Variants in LMBRD2 observed in about 807,000 individuals in gnomAD.
LMBRD2 encodes the protein G protein-coupled receptor-associated protein LMBRD2.
LMBRD2 carries 55 observed loss-of-function variants against 94.4 expected under a neutral mutation model. That is an observed-to-expected ratio of 0.58 (90% CI 0.47 to 0.73). The LOEUF is 0.73. Ranked by LOEUF, LMBRD2 falls within the 30% of genes least tolerant of loss-of-function variation. LMBRD2 has a pLI of 0.00. For missense variants in LMBRD2, 640 were observed against 831.9 expected (o/e 0.77, Z 2.84); for synonymous variants, 246 against 272.4 (o/e 0.90, Z 0.95).
chr5:36,112,846 C>T (rs914958666), intron 13 of LMBRD2, among the ~76,000 whole-genome samples: 3 of 151,962 alleles, frequency 2.0e-5, no homozygotes, highest in African/African-American at 4.8e-5. Context: ...CTTAATGTTC[C>T]ACTTTATTAA....
At position 36,139,023 on chromosome 5, in the gene LMBRD2, C is replaced by T. The variant is rs544640144; in HGVS notation, c.369-1582G>A. Among the ~76,000 whole-genome samples, 177 of 152,230 alleles carry T rather than the reference C, an allele frequency of 1.2e-3. 1 individual carries two copies. The highest frequency in any genetic ancestry group is 6.8e-4 in the Non-Finnish European group (46 of 68,006). On this transcript the variant is annotated intron_variant, in intron 4 of 17. Transcript: ENST00000296603. The stretch of plus-strand genomic sequence containing the variant: ...GCAGGAGCTGGGAAGAGGTGGGAGC[C>T]CCACCCCCTTCCGAGTTGGCGGGGC...
intron 14 of LMBRD2, 28 bp from the exon 15 acceptor site, chr5:36,110,019 T>C (rs779918343): frequency 6.4e-7 from 1 of 1,557,058 alleles, no homozygotes. Flanking sequence ...ATCTCAAATA[T>C]GGCATAACAT....
At chr5:36,147,884 G>A (rs2111919877) in intron 1 of LMBRD2, 1 of 435,654 alleles carries the variant, frequency 2.3e-6, no homozygotes, top group East Asian at 9.7e-5. Context: ...TTCTGAAACT[G>A]AATGAAAAAT....
rs778407107 is a variant in LMBRD2, at chr5:36,122,430, G to C, written c.970C>G (p.Gln324Glu). 6.8e-6 allele frequency: 11 copies of C among 1,613,440 alleles called. No individual in the cohort carries two copies. The highest frequency in any genetic ancestry group is 9.3e-6 in the Non-Finnish European group (11 of 1,179,766). The change falls in exon 9 of 18, where the codon CAA becomes GAA. Residue 324 changes from glutamine (Q) to glutamate (E), a missense_variant. By Grantham distance (29) the Gln-to-Glu change is conservative. Coordinates refer to ENST00000296603, the MANE Select transcript of LMBRD2 (RefSeq NM_001007527.2). ...TCCAAAAGAATCTGCCATTGTACTT[G>C]AGTTCGACGGTGTCTCTGAACTGAA... ...IYSVQRHRRT[Q>E]VQWQILLEQA...
intron 12 of LMBRD2, 129 bp downstream of exon 12, chr5:36,114,886 C>A: frequency 1.5e-6 from 1 of 676,024 alleles, no homozygotes; most frequent in Non-Finnish European, 2.5e-6. Flanking sequence ...AATACGTATA[C>A]AATCTTTAAG....
intron 16 of LMBRD2, among the ~76,000 whole-genome samples, chr5:36,107,186 T>C (rs1261629232): frequency 6.6e-6 from 1 of 152,214 alleles, no homozygotes; most frequent in African/African-American, 2.4e-5. Flanking sequence ...TTAACATTTC[T>C]ATTTAGCTCT....
chr5:36,133,093 T>G (rs542055434), intron 6 of LMBRD2, among the ~76,000 whole-genome samples: 1 of 151,970 alleles, frequency 6.6e-6, no homozygotes, highest in Admixed American at 6.6e-5. Flanking sequence ...AAGAAATGTC[T>G]GCACTCCCAT....
intron 6 of LMBRD2, among the ~76,000 whole-genome samples, chr5:36,129,693 A>C (rs907720906): frequency 6.6e-6 from 1 of 152,226 alleles, no homozygotes; most frequent in Non-Finnish European, 1.5e-5. Flanking sequence ...GGTTATAGCA[A>C]GTACACAGAA....
chr5:36,114,622 T>C, intron 12 of LMBRD2, 101 bp from the exon 13 acceptor site: 1 of 1,290,018 alleles, frequency 7.8e-7, no homozygotes. Context: ...TATCAATCCA[T>C]TTGAACTTTT....
In LMBRD2 at chr5:36,102,152, C is replaced by T. The variant is rs144158753; in HGVS notation, c.*1894G>A. On this transcript the variant is annotated 3_prime_UTR_variant, in exon 18 of 18. Transcript: ENST00000296603. ...TTTCTGTAATAATAAGAAACTGGAC[C>T]CATTTCTGGGATGATCATTTCCCCA... 1 of 151,920 alleles carries T rather than the reference C, an allele frequency of 6.6e-6. No homozygotes were observed. The highest frequency in any genetic ancestry group is 1.5e-5 in the Non-Finnish European group (1 of 67,818). The allele number at this position is 151,920 out of a possible 1,614,324, so 9.4% of individuals were successfully genotyped here.
At chr5:36,148,145 CA>C (rs1250323112) in intron 1 of LMBRD2, among the ~76,000 whole-genome samples, 1 of 151,078 alleles carries the variant, frequency 6.6e-6, no homozygotes, top group African/African-American at 2.4e-5. Context: ...TTAAATCTTC[CA>C]AACATAATCG....
chr5:36,143,044 G>T, intron 2 of LMBRD2, 132 bp downstream of exon 2: 3 of 710,442 alleles, frequency 4.2e-6, no homozygotes, highest in South Asian at 2.1e-5. Flanking sequence ...GCTTTTTAAT[G>T]ATCAAATGGC....
intron 1 of LMBRD2, among the ~76,000 whole-genome samples, chr5:36,150,649 A>G (rs1192852179): frequency 6.6e-6 from 1 of 152,254 alleles, no homozygotes; most frequent in East Asian, 1.9e-4. Flanking sequence ...GCATTTTAAA[A>G]TGCTTTCCAT....
chr5:36,122,963 T>TA lies in LMBRD2; in HGVS notation c.823-3dup, dbSNP rs141044130. The TA allele has an allele frequency of 0.075, 94,611 of 1,264,426 alleles. 319 individuals are homozygous for TA. The highest frequency in any genetic ancestry group is 0.15 in the African/African-American group (9,000 of 59,136). 78.3% of individuals were successfully genotyped at this position (1,264,426 alleles called of 1,614,324 possible). ...TTTTTCCTGATACTCTGTAGGGCAC[T>TA]AAAAAAAAAAAAAAGTAGATTTTTA... On this transcript the variant is annotated splice_region_variant and splice_polypyrimidine_tract_variant and intron_variant, in intron 7 of 17. Transcript: ENST00000296603.
At chr5:36,111,320 A>G in intron 13 of LMBRD2, 62 bp from the exon 14 acceptor site, 2 of 1,114,832 alleles carry the variant, frequency 1.8e-6, no homozygotes, top group Non-Finnish European at 2.7e-6. Flanking sequence ...ATTTAGATGA[A>G]TTGTTCTTTA....
intron 9 of LMBRD2, among the ~76,000 whole-genome samples, chr5:36,121,527 A>C (rs1743886659): frequency 3.3e-5 from 5 of 152,244 alleles, no homozygotes; most frequent in Non-Finnish European, 7.3e-5. Flanking sequence ...AAGGAGAAAA[A>C]TGATAACTAC....
At chr5:36,113,225 T>G (rs1452450355) in intron 13 of LMBRD2, among the ~76,000 whole-genome samples, 1 of 152,114 alleles carries the variant, frequency 6.6e-6, no homozygotes, top group Admixed American at 6.5e-5. Context: ...AAAAGCATCG[T>G]GAAAATCCCT....
Position 36,103,864 on chromosome 5 carries a change from G to T in LMBRD2, c.*182C>A. Reference sequence around the variant, plus strand: ...TATGTAATAAATCTTGTTGAAAAAGGTGATACTCTATTCAATGCACATTAA... The same window carrying T: ...TATGTAATAAATCTTGTTGAAAAAGTTGATACTCTATTCAATGCACATTAA... On this transcript the variant is annotated 3_prime_UTR_variant, in exon 18 of 18. Coordinates refer to ENST00000296603, the MANE Select transcript of LMBRD2 (RefSeq NM_001007527.2). 2 of 466,292 alleles carry T rather than the reference G, an allele frequency of 4.3e-6. No homozygotes were observed. The allele number at this position is 466,292 out of a possible 1,614,324, so 28.9% of individuals were successfully genotyped here.
At chr5:36,130,510 A>G (rs1210145624) in intron 6 of LMBRD2, among the ~76,000 whole-genome samples, 1 of 152,176 alleles carries the variant, frequency 6.6e-6, no homozygotes, top group African/African-American at 2.4e-5. Flanking sequence ...ACAGGAAGGA[A>G]GGAAAGAAAA....
Sources: allele counts gnomAD v4.1 joint callset (sites outside exome capture counted in the v4.1 genomes callset), GRCh38; gene constraint gnomAD v4.1.1; transcripts MANE v1.5; gene names NCBI Gene and HGNC (gene_info 2026-07-23, HGNC 2026-07-21).